Variants in VTI1A observed in about 807,000 individuals in gnomAD.
VTI1A encodes vesicle transport through interaction with t-SNAREs homolog 1A.
Under a neutral mutation model 34.9 loss-of-function variants are expected in VTI1A, and 22 were observed. That is an observed-to-expected ratio of 0.63 (90% confidence interval 0.45 to 0.90). VTI1A has a LOEUF of 0.90. Ranked by LOEUF, VTI1A falls within the 40% of genes least tolerant of loss-of-function variation. The pLI, the probability that VTI1A is intolerant of heterozygous loss-of-function variation, is 0.00. For missense variants in VTI1A, 268 were observed against 275.6 expected (o/e 0.97, Z 0.20); for synonymous variants, 87 against 97.3 (o/e 0.89, Z 0.62).
chr10:112,579,133 A>C (rs1239229458), intron 5 of VTI1A, among the ~76,000 whole-genome samples: 3 of 152,210 alleles, frequency 2.0e-5, no homozygotes, highest in Non-Finnish European at 4.4e-5. Context: ...GTATCCCAGT[A>C]CCCTTGATGC....
intron 7 of VTI1A, among the ~76,000 whole-genome samples, chr10:112,801,181 G>A (rs1852865100): frequency 6.6e-6 from 1 of 152,068 alleles, no homozygotes. Context: ...GAGGTGGGAG[G>A]GTGAGGAGTA....
intron 7 of VTI1A, among the ~76,000 whole-genome samples, chr10:112,725,846 G>A (rs1850002721): frequency 6.6e-6 from 1 of 152,014 alleles, no homozygotes; most frequent in Non-Finnish European, 1.5e-5. Context: ...CTATTTTATA[G>A]GTGTCCATCC....
chr10:112,546,313 C>G (rs1465653510), intron 5 of VTI1A, among the ~76,000 whole-genome samples: 2 of 151,942 alleles, frequency 1.3e-5, no homozygotes, highest in Non-Finnish European at 2.9e-5. Flanking sequence ...CACCTGTAAT[C>G]CAAAGCACTT....
intron 3 of VTI1A, among the ~76,000 whole-genome samples, chr10:112,520,645 G>GTATATA (rs1214811424): frequency 1.2e-3 from 134 of 111,140 alleles, no homozygotes; most frequent in African/African-American, 3.8e-3. Context: ...GTGTGTGTGT[G>GTATATA]TGTATATATA....
chr10:112,543,391 C>G lies in VTI1A; in HGVS notation c.427+5061C>G, dbSNP rs553329144. 5.3e-5 allele frequency among the ~76,000 whole-genome samples: 8 copies of G among 152,244 alleles called. No individual in the cohort carries two copies. The East Asian group carries it at 1.3e-3, about 26-fold the overall frequency. On this transcript the variant is annotated intron_variant, in intron 5 of 7. Transcript: ENST00000393077. ...CATTCTAACTGGTGTGAGATGGTAT[C>G]TCATTGTGGTTTTGATTTGCATTTC... is the stretch of plus-strand genomic sequence containing the variant.
At position 112,460,393 on chromosome 10, in the gene VTI1A, G is replaced by A; in HGVS notation, c.95-131G>A. ...AGTGGTTTCAAACCCACCAAAGAAT[G>A]ATATGCTCTTTTGCCTTATGTTCTG... On this transcript the variant is annotated intron_variant, in intron 1 of 7. Transcript: ENST00000393077. The A allele has an allele frequency of 4.1e-6, 3 of 735,944 alleles. No homozygotes were observed. In the South Asian group the frequency reaches 7.9e-5, roughly 19 times the overall value. 45.6% of individuals were successfully genotyped at this position (735,944 alleles called of 1,614,324 possible). A position where few individuals can be genotyped will look rare whatever the true frequency, so the allele number is the denominator to read the frequency against.
chr10:112,649,145 G>C (rs924822896), intron 5 of VTI1A, among the ~76,000 whole-genome samples: 1 of 151,980 alleles, frequency 6.6e-6, no homozygotes. Context: ...GTCAGGGCAC[G>C]CACAATGAAT....
At chr10:112,721,271 G>A (rs144718312) in intron 7 of VTI1A, among the ~76,000 whole-genome samples, 2 of 152,140 alleles carry the variant, frequency 1.3e-5, no homozygotes, top group Admixed American at 6.5e-5. Context: ...ACAAATAACC[G>A]ATAGGTGGCA....
rs1386890211 is a variant in VTI1A, at chr10:112,447,480, C to T, written c.94+13C>T. On this transcript the variant is annotated intron_variant, in intron 1 of 7. Transcript: ENST00000393077. ...CGACTCCCGCCTGGTGAGAGCCTTGCCCGGCTGGACGAGGGTGCTGGGGAG... is the reference window on the plus strand; with the variant it reads ...CGACTCCCGCCTGGTGAGAGCCTTGTCCGGCTGGACGAGGGTGCTGGGGAG... 2 of 1,612,164 alleles carry T rather than the reference C, an allele frequency of 1.2e-6. No individual in the cohort carries two copies. The highest frequency in any genetic ancestry group is 1.7e-6 in the Non-Finnish European group (2 of 1,179,424).
At chr10:112,555,657 G>A (rs901828693) in intron 5 of VTI1A, among the ~76,000 whole-genome samples, 2 of 152,004 alleles carry the variant, frequency 1.3e-5, no homozygotes, top group African/African-American at 2.4e-5. Flanking sequence ...GATCAATAAA[G>A]AGCTGTTATT....
intron 7 of VTI1A, among the ~76,000 whole-genome samples, chr10:112,813,751 A>G (rs1853405181): frequency 6.6e-6 from 1 of 152,230 alleles, no homozygotes; most frequent in Non-Finnish European, 1.5e-5. Context: ...CTGTCATCAC[A>G]GAAGAATTAA....
chr10:112,479,749 T>C (rs1413869690), intron 3 of VTI1A, among the ~76,000 whole-genome samples: 1 of 152,186 alleles, frequency 6.6e-6, no homozygotes, highest in Non-Finnish European at 1.5e-5. Flanking sequence ...CCCTAAATAT[T>C]ATTCACTACC....
chr10:112,820,858 G>A (rs1378814641), downstream of VTI1A, among the ~76,000 whole-genome samples: 2 of 152,194 alleles, frequency 1.3e-5, no homozygotes, highest in Non-Finnish European at 2.9e-5. Flanking sequence ...GTAGCAGAGG[G>A]TGGACAGGTG....
downstream of VTI1A, among the ~76,000 whole-genome samples, chr10:112,821,330 C>T (rs1318852729): frequency 2.0e-5 from 3 of 152,290 alleles, no homozygotes; most frequent in Admixed American, 6.5e-5. Context: ...TCCTCTCCCC[C>T]TCCCACTTCC....
chr10:112,699,287 G>A (rs140189281), intron 7 of VTI1A, among the ~76,000 whole-genome samples: 2 of 152,260 alleles, frequency 1.3e-5, no homozygotes, highest in African/African-American at 4.8e-5. Flanking sequence ...TTAAGCAAGG[G>A]ACATTTGTTT....
intron 5 of VTI1A, among the ~76,000 whole-genome samples, chr10:112,588,740 T>C (rs1053496134): frequency 1.3e-5 from 2 of 152,356 alleles, no homozygotes; most frequent in African/African-American, 2.4e-5. Flanking sequence ...TAGGCCATCA[T>C]TGTGTGGGAC....
At chr10:112,576,271 C>T (rs138494861) in intron 5 of VTI1A, among the ~76,000 whole-genome samples, 187 of 151,550 alleles carry the variant, frequency 1.2e-3, no homozygotes, top group African/African-American at 4.2e-3. Flanking sequence ...CCGCCCCGCT[C>T]GGCCTCCCAA....
At chr10:112,674,943 A>T (rs186998655) in intron 7 of VTI1A, among the ~76,000 whole-genome samples, 53 of 152,318 alleles carry the variant, frequency 3.5e-4, no homozygotes, top group African/African-American at 1.2e-3. Context: ...TTATTGTGAG[A>T]CACTATTATA....
the VTI1A span, among the ~76,000 whole-genome samples, chr10:112,852,987 T>C: frequency 6.6e-6 from 1 of 152,134 alleles, no homozygotes; most frequent in Non-Finnish European, 1.5e-5. Flanking sequence ...GGTTTCACCA[T>C]GTTGACCAGG....
Sources: allele counts gnomAD v4.1 joint callset (sites outside exome capture counted in the v4.1 genomes callset), GRCh38; gene constraint gnomAD v4.1.1; transcripts MANE v1.5; gene names NCBI Gene and HGNC (gene_info 2026-07-23, HGNC 2026-07-21).